USP7: variants seen among roughly 807,000 people sequenced by gnomAD.
USP7 encodes the protein ubiquitin specific peptidase 7.
Under a neutral mutation model 162.9 loss-of-function variants are expected in USP7, and 9 were observed. The observed-to-expected ratio is 0.06, with a 90% CI of 0.03 to 0.10. The LOEUF is 0.10. Among genes scored for constraint, USP7 ranks in the 10% least tolerant of loss-of-function variants. USP7 has a pLI of 1.00. For missense variants in USP7, 715 were observed against 1,373.7 expected (o/e 0.52, Z 7.58); for synonymous variants, 562 against 475.9 (o/e 1.18, Z -2.35).
rs75238810 is a variant in USP7, at chr16:8,893,664, G to C, written c.*334C>G. 8.0e-5 allele frequency: 20 copies of C among 249,592 alleles called. No homozygotes were observed. The highest frequency in any genetic ancestry group is 1.5e-4 in the Non-Finnish European group (19 of 124,714). 15.5% of individuals were successfully genotyped at this position (249,592 alleles called of 1,614,324 possible). On this transcript the variant is annotated 3_prime_UTR_variant, in exon 31 of 31. Transcript: ENST00000344836. ...CCCCAGGAAGGCAGCCGAGCCACTC[G>C]TGCCCACTAGGGACAGCCCAGAGAC...
rs941913303 is a variant in USP7 at position 8,892,211 on chromosome 16, G to A, written c.*1787C>T. On this transcript the variant is annotated 3_prime_UTR_variant, in exon 31 of 31. Transcript: ENST00000344836. ...CAAGACACCTTAATGTTTGTTCAAAGACAAACCCACAGCGAACGGCTCTCG... is the reference window on the plus strand; with the variant it reads ...CAAGACACCTTAATGTTTGTTCAAAAACAAACCCACAGCGAACGGCTCTCG... 6.6e-6 allele frequency: 1 copy of A among 152,210 alleles called. No homozygotes were observed. Among genetic ancestry groups the A allele is most frequent in the African/African-American group, 2.4e-5 (1 of 41,442 alleles). 9.4% of individuals were successfully genotyped at this position (152,210 alleles called of 1,614,324 possible). A position where few individuals can be genotyped will look rare whatever the true frequency, so the allele number is the denominator to read the frequency against.
At chr16:8,913,917 T>G (rs184315650) in intron 10 of USP7, among the ~76,000 whole-genome samples, 1 of 151,832 alleles carries the variant, frequency 6.6e-6, no homozygotes, top group Admixed American at 6.6e-5. Context: ...CCCAGCTAAT[T>G]TGTAGAGATG....
chr16:8,907,824 T>A (rs2061884431), intron 12 of USP7, among the ~76,000 whole-genome samples: 1 of 152,010 alleles, frequency 6.6e-6, no homozygotes, highest in Non-Finnish European at 1.5e-5. Flanking sequence ...AAAAACATAA[T>A]AAAACAAAGT....
At chr16:8,906,749 A>G (rs148047988) in intron 12 of USP7, among the ~76,000 whole-genome samples, 167 bp from the exon 13 acceptor site, 6 of 152,364 alleles carry the variant, frequency 3.9e-5, no homozygotes, top group African/African-American at 1.4e-4. Flanking sequence ...CTTGATAGAA[A>G]TAACTATTCC....
At position 8,901,066 on chromosome 16, in the gene USP7, A is replaced by G. The variant is rs1174539221; in HGVS notation, c.2141-9T>C. 3.1e-6 allele frequency: 5 copies of G among 1,614,146 alleles called. No homozygotes were observed. The highest frequency in any genetic ancestry group is 4.2e-6 in the Non-Finnish European group (5 of 1,179,980). On this transcript the variant is annotated splice_polypyrimidine_tract_variant and intron_variant, in intron 19 of 30. Transcript: ENST00000344836. ...AACTGGGAGCAAGTCACCTAGGAGA[A>G]AGAAGATATTTTAAATGTGTAGCTG... is the stretch of plus-strand genomic sequence containing the variant.
At chr16:8,947,351 C>CG (rs2041373923) in intron 1 of USP7, among the ~76,000 whole-genome samples, 2 of 150,924 alleles carry the variant, frequency 1.3e-5, no homozygotes, top group Non-Finnish European at 2.9e-5. Flanking sequence ...AGCACTCCCC[C>CG]CCCCAACACA....
chr16:8,921,706 C>T (rs1299075497), intron 3 of USP7, among the ~76,000 whole-genome samples: 1 of 152,164 alleles, frequency 6.6e-6, no homozygotes, highest in Admixed American at 6.5e-5. Context: ...AAACCAGCAC[C>T]GGGGAGCTCT....
intron 11 of USP7, among the ~76,000 whole-genome samples, chr16:8,910,540 C>T (rs1453641137): frequency 1.3e-5 from 2 of 152,134 alleles, no homozygotes; most frequent in Admixed American, 6.5e-5. Flanking sequence ...GCTGGATGTG[C>T]TTCTACAGGA....
intron 4 of USP7, 115 bp downstream of exon 4, chr16:8,921,041 AT>A: frequency 4.2e-6 from 5 of 1,200,332 alleles, no homozygotes; most frequent in Non-Finnish European, 5.7e-6. Context: ...CACTTGTCCA[AT>A]TTAGAAAGTA....
intron 10 of USP7, among the ~76,000 whole-genome samples, chr16:8,911,041 A>G (rs1254104887): frequency 6.6e-6 from 1 of 152,254 alleles, no homozygotes. Flanking sequence ...TCTTAAGGAC[A>G]TTAAAATGAC....
chr16:8,923,084 T>G, intron 3 of USP7, 131 bp downstream of exon 3: 1 of 670,992 alleles, frequency 1.5e-6, no homozygotes, highest in Non-Finnish European at 2.5e-6. Flanking sequence ...CATATACCAG[T>G]GGGTTTTAAA....
At chr16:8,908,505 C>T in intron 11 of USP7, 55 bp from the exon 12 acceptor site, 1 of 1,471,486 alleles carries the variant, frequency 6.8e-7, no homozygotes, top group African/African-American at 1.4e-5. Context: ...CTCCTGGAAG[C>T]AATGAAAGCA....
Position 8,901,180 on chromosome 16 carries a change from T to A in USP7, c.2102A>T (p.Tyr701Phe). Residue 701 changes from tyrosine (Y) to phenylalanine (F), a missense_variant, in exon 19 of 31, where the codon TAC (tyrosine) becomes TTC (phenylalanine). Coordinates refer to ENST00000344836, the MANE Select transcript of USP7 (RefSeq NM_003470.3). ...MYDPKTRSLN[Y>F]CGHIYTPISC... ...TATTGGTGTGTAGATATGCCCACAG[T>A]AATTCAAGCTCCGCGTTTTGGGATC... 2 of 1,613,948 alleles carry A rather than the reference T, an allele frequency of 1.2e-6. No individual in the cohort carries two copies. Among genetic ancestry groups the A allele is most frequent in the Non-Finnish European group, 1.7e-6 (2 of 1,179,904 alleles).
rs118147217 is a variant in USP7, at chr16:8,947,594, C to A, written c.79+15613G>T. Among the ~76,000 whole-genome samples, 77 of 152,186 alleles carry A rather than the reference C, an allele frequency of 5.1e-4. 1 individual carries two copies. In the East Asian group the frequency reaches 0.013, roughly 25 times the overall value. ...AACTTCCGGCCTCAAGTGATCCACC[C>A]GCTTCAGCCTCCCAAAATGCTGGGA... On this transcript the variant is annotated intron_variant, in intron 1 of 30. Transcript: ENST00000344836.
At chr16:8,916,478 A>T (rs749094262) in intron 8 of USP7, 24 bp downstream of exon 8, 3 of 1,601,540 alleles carry the variant, frequency 1.9e-6, no homozygotes, top group Non-Finnish European at 2.6e-6. Flanking sequence ...TGTAAGAAAT[A>T]TACAAGTATT....
chr16:8,925,759 C>T (rs1470280800), intron 2 of USP7, among the ~76,000 whole-genome samples: 1 of 152,210 alleles, frequency 6.6e-6, no homozygotes, highest in South Asian at 2.1e-4. Context: ...TTTCTTAGAA[C>T]AGACTTATCA....
intron 1 of USP7, among the ~76,000 whole-genome samples, chr16:8,947,889 G>A (rs894166866): frequency 4.6e-5 from 7 of 152,156 alleles, no homozygotes; most frequent in African/African-American, 1.7e-4. Flanking sequence ...TGTGCAATTC[G>A]GAAGGTGGGA....
At position 8,936,832 on chromosome 16, in the gene USP7, T is replaced by C. The variant is rs1898764797; in HGVS notation, c.80-6435A>G. The C allele has an allele frequency of 5.7e-6, 6 of 1,054,344 alleles. No individual in the cohort carries two copies. In the South Asian group the frequency reaches 8.2e-5, roughly 14 times the overall value. The allele number at this position is 1,054,344 out of a possible 1,614,324, so 65.3% of individuals were successfully genotyped here. ...CAGAAGAGGATATTAATGGAAAAAC[T>C]GGTGAAACTCTGAAAGAATCTGACT... On this transcript the variant is annotated intron_variant, in intron 1 of 30. Coordinates refer to ENST00000344836, the MANE Select transcript of USP7 (RefSeq NM_003470.3).
chr16:8,912,649 GAC>G (rs2061965886), intron 10 of USP7, among the ~76,000 whole-genome samples: 1 of 151,360 alleles, frequency 6.6e-6, no homozygotes, highest in Non-Finnish European at 1.5e-5. Context: ...ACTAAGAAGA[GAC>G]ACAGGGCTGG....
Sources: allele counts gnomAD v4.1 joint callset (sites outside exome capture counted in the v4.1 genomes callset), GRCh38; gene constraint gnomAD v4.1.1; transcripts MANE v1.5; gene names NCBI Gene and HGNC (gene_info 2026-07-23, HGNC 2026-07-21).